The following DLGAP2 variants were observed in gnomAD, a reference collection of about 807,000 sequenced individuals.
DLGAP2 encodes the protein disks large-associated protein 2.
A neutral mutation model predicts 100.3 loss-of-function variants in DLGAP2; 26 were observed. The observed-to-expected ratio is 0.26, with a 90% CI of 0.19 to 0.36. The LOEUF (loss-of-function observed/expected upper bound fraction) is 0.36. DLGAP2 is among the 10% of genes least tolerant of loss of function. The pLI, the probability that DLGAP2 is intolerant of heterozygous loss-of-function variation, is 1.00. For missense variants in DLGAP2, 1,858 were observed against 1,453.2 expected, an observed-to-expected ratio of 1.28 and a Z score of -4.53; for synonymous variants, 886 against 630.1, an observed-to-expected ratio of 1.41 and a Z score of -6.08.
At chr8:1,189,660 T>C (rs1419190635) in intron 2 of DLGAP2, among the ~76,000 whole-genome samples, 1 of 152,230 alleles carries the variant, frequency 6.6e-6, no homozygotes, top group East Asian at 1.9e-4. Flanking sequence ...GGAAACGGGA[T>C]GGATCAATGA....
intron 1 of DLGAP2, among the ~76,000 whole-genome samples, chr8:833,461 G>A (rs1315134693): frequency 6.6e-6 from 1 of 152,178 alleles, no homozygotes; most frequent in Non-Finnish European, 1.5e-5. Context: ...GGAGGGTCCT[G>A]CCTGCCTTGG....
Position 1,583,637 on chromosome 8 carries a change from T to C in DLGAP2, c.1442+17743T>C, listed in dbSNP as rs186702192. ...CCTGTGTTTCTAAGCCCAGCAGTCC[T>C]GACGTTTTTGCCTTTCCTGATGCTG... is the stretch of plus-strand genomic sequence containing the variant. On this transcript the variant is annotated intron_variant, in intron 6 of 14. Transcript: ENST00000637795. Among the ~76,000 whole-genome samples, 207 of 152,296 alleles carry C rather than the reference T, an allele frequency of 1.4e-3. 1 individual carries two copies. The highest frequency in any genetic ancestry group is 3.8e-3 in the African/African-American group (158 of 41,572).
At chr8:1,570,801 G>T (rs570109717) in intron 6 of DLGAP2, among the ~76,000 whole-genome samples, 1 of 147,570 alleles carries the variant, frequency 6.8e-6, no homozygotes, top group East Asian at 2.0e-4. Flanking sequence ...GAGGAGAGAG[G>T]GTGAACTGTG....
intron 14 of DLGAP2, among the ~76,000 whole-genome samples, chr8:1,700,530 G>A (rs1011150219): frequency 6.6e-6 from 1 of 152,228 alleles, no homozygotes; most frequent in African/African-American, 2.4e-5. Context: ...TTGCATAATT[G>A]TGAGATTTAT....
At chr8:1,123,178 C>T (rs530095147) in intron 2 of DLGAP2, among the ~76,000 whole-genome samples, 2 of 152,132 alleles carry the variant, frequency 1.3e-5, no homozygotes, top group African/African-American at 2.4e-5. Flanking sequence ...AATTATGAAC[C>T]AAAAGGCTTC....
At chr8:1,547,422 A>T (rs1321226088) in intron 4 of DLGAP2, among the ~76,000 whole-genome samples, 2 of 150,794 alleles carry the variant, frequency 1.3e-5, no homozygotes, top group Non-Finnish European at 3.0e-5. Flanking sequence ...GCAGGGGGAG[A>T]GGGAGAGAGA....
At chr8:882,909 C>A (rs1797839896) in intron 1 of DLGAP2, among the ~76,000 whole-genome samples, 2 of 152,366 alleles carry the variant, frequency 1.3e-5, no homozygotes, top group Middle Eastern at 6.8e-3. Flanking sequence ...TGGGTCGGAT[C>A]TCTGCATCGG....
intron 1 of DLGAP2, among the ~76,000 whole-genome samples, chr8:748,731 C>G (rs556737121): frequency 7.9e-5 from 12 of 152,304 alleles, no homozygotes; most frequent in East Asian, 1.9e-4. Context: ...CAGCACCTGC[C>G]CGCTCCTTAG....
chr8:1,531,770 T>C (rs992608663), intron 4 of DLGAP2, among the ~76,000 whole-genome samples: 13 of 152,216 alleles, frequency 8.5e-5, no homozygotes, highest in Admixed American at 7.9e-4. Flanking sequence ...TCTCCTTGCA[T>C]TGACTGGCAG....
At chr8:1,543,257 A>G (rs966489197) in intron 4 of DLGAP2, among the ~76,000 whole-genome samples, 6 of 152,220 alleles carry the variant, frequency 3.9e-5, no homozygotes, top group Non-Finnish European at 5.9e-5. Flanking sequence ...CATGTCTAAG[A>G]AACCATTGCC....
intron 6 of DLGAP2, among the ~76,000 whole-genome samples, chr8:1,617,790 C>A: frequency 6.6e-6 from 1 of 152,182 alleles, no homozygotes; most frequent in Non-Finnish European, 1.5e-5. Flanking sequence ...CTATGCATTA[C>A]AGCCAATACG....
rs1797376426 is a variant in DLGAP2 at position 1,430,021 on chromosome 8, TATATATAC to T, written c.107-71343_107-71336del. 2.0e-4 allele frequency among the ~76,000 whole-genome samples: 19 copies of T among 95,616 alleles called. 1 individual carries two copies. Among genetic ancestry groups the T allele is most frequent in the Admixed American group, 6.9e-4 (6 of 8,720 alleles). 62.7% of individuals were successfully genotyped at this position (95,616 alleles called of 152,430 possible). A position where few individuals can be genotyped will look rare whatever the true frequency, so the allele number is the denominator to read the frequency against. On this transcript the variant is annotated intron_variant, in intron 3 of 14. Transcript: ENST00000637795. ...GCATATATATACATATATATATATA[TATATATAC>T]ACACACACACATATGAACTTAGAAT...
intron 3 of DLGAP2, among the ~76,000 whole-genome samples, chr8:1,358,382 G>C (rs1219530752): frequency 6.6e-6 from 1 of 152,130 alleles, no homozygotes. Context: ...GAGATCTGGT[G>C]TGGGACCCAG....
intron 6 of DLGAP2, chr8:1,620,313 C>T (rs1275644556): frequency 2.0e-5 from 3 of 152,188 alleles, no homozygotes; most frequent in South Asian, 2.1e-4. Flanking sequence ...TGCCCAGGAG[C>T]GTCCCCCGCC....
chr8:1,192,285 G>A (rs985763417), intron 2 of DLGAP2, among the ~76,000 whole-genome samples: 19 of 152,136 alleles, frequency 1.2e-4, no homozygotes, highest in Non-Finnish European at 1.5e-4. Flanking sequence ...ACTTATTTAC[G>A]CTTATTAATT....
chr8:1,413,159 G>C lies in DLGAP2; in HGVS notation c.107-88207G>C, dbSNP rs79981314. Among the ~76,000 whole-genome samples, 3 of 152,142 alleles carry C rather than the reference G, an allele frequency of 2.0e-5. No individual in the cohort carries two copies. In the East Asian group the frequency reaches 5.8e-4, roughly 29 times the overall value. On this transcript the variant is annotated intron_variant, in intron 3 of 14. Transcript: ENST00000637795. ...CCTCTGTGTTTTCTACTGGACAGTG[G>C]CTCCTTCCAAGTCATGGCTTGTCTC...
chr8:1,621,927 G>A (rs1797352884), intron 6 of DLGAP2: 1 of 152,188 alleles, frequency 6.6e-6, no homozygotes, highest in South Asian at 2.1e-4. Flanking sequence ...GTGCTGTTAG[G>A]GAACAAGCAT....
At chr8:1,627,704 T>C (rs1245654145) in intron 7 of DLGAP2, among the ~76,000 whole-genome samples, 1 of 152,060 alleles carries the variant, frequency 6.6e-6, no homozygotes, top group Non-Finnish European at 1.5e-5. Flanking sequence ...CGACCTCACA[T>C]TCTCTCTGAC....
intron 2 of DLGAP2, among the ~76,000 whole-genome samples, chr8:1,047,662 CTCCCACTGTG>C (rs1247046577): frequency 6.6e-5 from 10 of 152,120 alleles, no homozygotes; most frequent in South Asian, 4.2e-4. Context: ...CCTAGATGGC[CTCCCACTGTG>C]TCCCACTGTG....
Sources: allele counts gnomAD v4.1 joint callset (sites outside exome capture counted in the v4.1 genomes callset), GRCh38; gene constraint gnomAD v4.1.1; transcripts MANE v1.5; gene names NCBI Gene and HGNC (gene_info 2026-07-23, HGNC 2026-07-21).